CCSER1: variants seen among roughly 807,000 people sequenced by gnomAD.
The protein encoded by CCSER1 is coiled-coil serine rich protein 1.
A neutral mutation model predicts 82.0 loss-of-function variants in CCSER1; 41 were observed. The ratio of observed to expected loss-of-function variants is 0.50; its 90% CI spans 0.39 to 0.65. CCSER1 has a LOEUF of 0.65. CCSER1 is among the 30% of genes least tolerant of loss of function. The pLI is 0.00. For synonymous variants in CCSER1, 414 were observed against 383.9 expected (o/e 1.08, Z -0.92); for missense variants, 1,119 against 1,064.2 (o/e 1.05, Z -0.72).
chr4:90,475,188 A>G (rs575765580), intron 5 of CCSER1, among the ~76,000 whole-genome samples: 18 of 152,280 alleles, frequency 1.2e-4, no homozygotes, highest in African/African-American at 4.3e-4. Context: ...CTTTACTAAC[A>G]ATTTTCCTTC....
intron 10 of CCSER1, among the ~76,000 whole-genome samples, chr4:91,591,520 T>A (rs1486423408): frequency 6.6e-6 from 1 of 152,142 alleles, no homozygotes; most frequent in Non-Finnish European, 1.5e-5. Flanking sequence ...TCAATCAGTC[T>A]CCAAGCAACT....
intron 7 of CCSER1, among the ~76,000 whole-genome samples, chr4:90,770,918 A>G (rs1452791166): frequency 6.6e-6 from 1 of 152,168 alleles, no homozygotes; most frequent in East Asian, 1.9e-4. Flanking sequence ...CAATAATGCA[A>G]AGGAAATCTA....
chr4:90,656,110 T>C (rs1427781264), intron 6 of CCSER1, among the ~76,000 whole-genome samples: 1 of 151,934 alleles, frequency 6.6e-6, no homozygotes, highest in Non-Finnish European at 1.5e-5. Flanking sequence ...TTTGACAGGT[T>C]GACATTAAAA....
At chr4:90,166,850 G>A (rs1344586336) in intron 1 of CCSER1, among the ~76,000 whole-genome samples, 1 of 151,950 alleles carries the variant, frequency 6.6e-6, no homozygotes. Flanking sequence ...CATAGGTTGT[G>A]TAATTAATTT....
intron 8 of CCSER1, among the ~76,000 whole-genome samples, chr4:90,849,680 T>C (rs982356031): frequency 6.6e-6 from 1 of 151,040 alleles, no homozygotes; most frequent in African/African-American, 2.4e-5. Context: ...TCCCAGCTAC[T>C]TGGGAGGCTG....
chr4:90,902,355 A>G (rs1297915101), intron 8 of CCSER1, among the ~76,000 whole-genome samples: 1 of 152,076 alleles, frequency 6.6e-6, no homozygotes, highest in African/African-American at 2.4e-5. Context: ...GGAAGATATC[A>G]AGATACTCTG....
intron 1 of CCSER1, among the ~76,000 whole-genome samples, chr4:90,280,313 T>C (rs538448779): frequency 6.6e-6 from 1 of 152,002 alleles, no homozygotes; most frequent in East Asian, 1.9e-4. Flanking sequence ...AGTCACCCTA[T>C]CCCTTTCTCC....
At chr4:91,324,942 T>A (rs1409385968) in intron 10 of CCSER1, among the ~76,000 whole-genome samples, 2 of 152,152 alleles carry the variant, frequency 1.3e-5, no homozygotes, top group Non-Finnish European at 1.5e-5. Context: ...CGAATTGTAA[T>A]CCCCTAGTGT....
At chr4:91,434,546 T>C (rs1408855016) in intron 10 of CCSER1, among the ~76,000 whole-genome samples, 2 of 152,134 alleles carry the variant, frequency 1.3e-5, no homozygotes, top group East Asian at 3.9e-4. Context: ...CAATTCAATA[T>C]CTTAATAAAA....
chr4:90,780,488 A>C (rs945140696), intron 7 of CCSER1: 1 of 1,612,376 alleles, frequency 6.2e-7, no homozygotes, highest in Non-Finnish European at 8.5e-7. Context: ...CATCAATTGA[A>C]GATTGGGGTT....
chr4:91,104,253 G>A (rs1469885103), intron 10 of CCSER1, among the ~76,000 whole-genome samples: 1 of 152,014 alleles, frequency 6.6e-6, no homozygotes, highest in Non-Finnish European at 1.5e-5. Context: ...GATTTTTGTT[G>A]GACCCTTATC....
At chr4:91,355,831 G>A (rs1451800092) in intron 10 of CCSER1, among the ~76,000 whole-genome samples, 12 of 152,114 alleles carry the variant, frequency 7.9e-5, no homozygotes, top group African/African-American at 2.9e-4. Flanking sequence ...CAGAGGTTGG[G>A]CCTACTAGAA....
chr4:90,347,093 A>G (rs923295654), intron 3 of CCSER1, among the ~76,000 whole-genome samples: 1 of 152,144 alleles, frequency 6.6e-6, no homozygotes, highest in Admixed American at 6.5e-5. Flanking sequence ...TATGTTTATA[A>G]CTTAATTTTA....
chr4:90,783,773 G>A lies in CCSER1; in HGVS notation c.2011-31989G>A, dbSNP rs577887657. 3.3e-5 allele frequency among the ~76,000 whole-genome samples: 5 copies of A among 152,202 alleles called. No homozygotes were observed. In the South Asian group the frequency reaches 1.0e-3, roughly 32 times the overall value. ...TACATAGAAGAAATAAAACTGTGATGGTTAATTTTATAATATGTGCCAATT... is the reference window on the plus strand; with the variant it reads ...TACATAGAAGAAATAAAACTGTGATAGTTAATTTTATAATATGTGCCAATT... On this transcript the variant is annotated intron_variant, in intron 7 of 10. Coordinates refer to ENST00000509176, the MANE Select transcript of CCSER1 (RefSeq NM_001145065.2).
chr4:91,518,822 A>G (rs1441787140), intron 10 of CCSER1, among the ~76,000 whole-genome samples: 1 of 152,180 alleles, frequency 6.6e-6, no homozygotes, highest in Non-Finnish European at 1.5e-5. Flanking sequence ...AGCCACCACC[A>G]GTGGGTATGC....
Position 91,254,620 on chromosome 4 carries a change from G to A in CCSER1, c.2217+168626G>A, listed in dbSNP as rs544505550. Among the ~76,000 whole-genome samples the A allele has an allele frequency of 6.6e-4, 100 of 152,166 alleles. 4 individuals are homozygous for A. The South Asian group carries it at 0.02, about 31-fold the overall frequency. ...AGATTCATTATGGAGTTGGATGGGGGCAATAGTTGTACAACATTATGAATG... is the reference window on the plus strand; with the variant it reads ...AGATTCATTATGGAGTTGGATGGGGACAATAGTTGTACAACATTATGAATG... On this transcript the variant is annotated intron_variant, in intron 10 of 10. Transcript: ENST00000509176.
chr4:90,955,608 T>G (rs1733355076), intron 9 of CCSER1, among the ~76,000 whole-genome samples: 1 of 152,138 alleles, frequency 6.6e-6, no homozygotes, highest in South Asian at 2.1e-4. Flanking sequence ...TTCCAAGCAT[T>G]TAATCACACT....
chr4:90,233,634 TAA>T (rs201436932), intron 1 of CCSER1, among the ~76,000 whole-genome samples: 24,470 of 140,542 alleles, frequency 0.17, 2,723 homozygotes, highest in African/African-American at 0.32. Context: ...AATAATAAAT[TAA>T]AAAAAAAAAA....
chr4:90,278,873 A>C (rs747638583), intron 1 of CCSER1, among the ~76,000 whole-genome samples: 1 of 152,114 alleles, frequency 6.6e-6, no homozygotes, highest in Non-Finnish European at 1.5e-5. Context: ...AGGTCAAACA[A>C]GTGAAAGTTT....
Sources: allele counts gnomAD v4.1 joint callset (sites outside exome capture counted in the v4.1 genomes callset), GRCh38; gene constraint gnomAD v4.1.1; transcripts MANE v1.5; gene names NCBI Gene and HGNC (gene_info 2026-07-23, HGNC 2026-07-21).